The following WASF1 variants were observed in gnomAD, a reference collection of about 807,000 sequenced individuals.
WASF1 encodes the protein actin-binding protein WASF1.
In WASF1, 7 loss-of-function variants were observed where a neutral mutation model predicts 50.5. The ratio of observed to expected loss-of-function variants is 0.14; its 90% CI spans 0.08 to 0.26. WASF1 has a LOEUF of 0.26. WASF1 is among the 10% of genes least tolerant of loss of function. The pLI is 1.00. For synonymous variants in WASF1, 205 were observed against 244.0 expected (o/e 0.84, Z 1.49); for missense variants, 470 against 694.7 (o/e 0.68, Z 3.64).
chr6:110,147,492 A>G (rs1365508630), intron 3 of WASF1, among the ~76,000 whole-genome samples: 5 of 152,208 alleles, frequency 3.3e-5, no homozygotes, highest in African/African-American at 1.2e-4. Context: ...TCAGCAATTC[A>G]TAACACTGAC....
chr6:110,122,116 A>G (rs1343500989), intron 4 of WASF1, among the ~76,000 whole-genome samples: 2 of 152,146 alleles, frequency 1.3e-5, no homozygotes, highest in African/African-American at 2.4e-5. Flanking sequence ...GCAAACCACC[A>G]TGGCACATGT....
intron 7 of WASF1, among the ~76,000 whole-genome samples, chr6:110,106,372 G>C (rs533387688): frequency 2.6e-5 from 4 of 152,290 alleles, no homozygotes; most frequent in African/African-American, 9.6e-5. Context: ...TTACCATCTA[G>C]CAAAGAAGAC....
chr6:110,126,806 G>A (rs1448904265), intron 4 of WASF1, among the ~76,000 whole-genome samples: 1 of 152,166 alleles, frequency 6.6e-6, no homozygotes, highest in African/African-American at 2.4e-5. Context: ...GCTCTATTCT[G>A]TAAATCTGCA....
At chr6:110,168,155 C>A (rs1459776843) in intron 2 of WASF1, among the ~76,000 whole-genome samples, 2 of 151,964 alleles carry the variant, frequency 1.3e-5, no homozygotes, top group African/African-American at 4.8e-5. Context: ...CATGACCTCT[C>A]ACATAACAGT....
At chr6:110,128,896 G>A (rs548457871) in intron 3 of WASF1, among the ~76,000 whole-genome samples, 1 of 152,124 alleles carries the variant, frequency 6.6e-6, no homozygotes, top group African/African-American at 2.4e-5. Flanking sequence ...CACACGTGAG[G>A]GGTCTAGGTT....
chr6:110,127,560 G>A lies in WASF1; in HGVS notation c.42C>T (p.Cys14=). Residue 14 remains cysteine, a synonymous_variant, in exon 4 of 11, where the codon TGC becomes TGT. Transcript: ENST00000392589. ...VKRNIDPRHL[C]HTALPRGIKN... Reference sequence around the variant, plus strand: ...TAATGCCTCTAGGCAGTGCTGTGTGGCACAAGTGCCTAGGATCGATGTTTC... The same window carrying A: ...TAATGCCTCTAGGCAGTGCTGTGTGACACAAGTGCCTAGGATCGATGTTTC... 1 of 1,587,682 alleles carries A rather than the reference G, an allele frequency of 6.3e-7. No individual in the cohort carries two copies. The highest frequency in any genetic ancestry group is 8.6e-7 in the Non-Finnish European group (1 of 1,167,944).
intron 5 of WASF1, 44 bp downstream of exon 5, chr6:110,113,282 T>G (rs773846916): frequency 1.4e-6 from 2 of 1,442,016 alleles, no homozygotes; most frequent in South Asian, 3.2e-5. Flanking sequence ...CTCATCTAAC[T>G]TAAAATATAT....
At chr6:110,132,972 A>T (rs945406204) in intron 3 of WASF1, among the ~76,000 whole-genome samples, 1 of 148,426 alleles carries the variant, frequency 6.7e-6, no homozygotes, top group Admixed American at 6.8e-5. Context: ...ATACACACAC[A>T]CACACACACA....
intron 8 of WASF1, among the ~76,000 whole-genome samples, chr6:110,104,284 T>C (rs766358507): frequency 1.3e-5 from 2 of 152,102 alleles, no homozygotes; most frequent in Non-Finnish European, 2.9e-5. Context: ...ATTTAGTGAG[T>C]CAGATAAGTA....
intron 3 of WASF1, among the ~76,000 whole-genome samples, chr6:110,143,875 G>A (rs1775393683): frequency 6.6e-6 from 1 of 152,112 alleles, no homozygotes; most frequent in Non-Finnish European, 1.5e-5. Flanking sequence ...TTGGACATTT[G>A]GGTTGGTTCC....
At chr6:110,139,093 G>T (rs942807007) in intron 3 of WASF1, among the ~76,000 whole-genome samples, 1 of 152,240 alleles carries the variant, frequency 6.6e-6, no homozygotes, top group Non-Finnish European at 1.5e-5. Flanking sequence ...AAGGTGGCAG[G>T]GGTTGGTGTG....
intron 3 of WASF1, among the ~76,000 whole-genome samples, chr6:110,155,709 C>T (rs1425126430): frequency 6.9e-5 from 4 of 58,088 alleles, no homozygotes; most frequent in East Asian, 5.6e-4. Context: ...CCCCCTCCCC[C>T]GACCCCACCA....
chr6:110,160,352 A>T (rs910356855), intron 3 of WASF1, among the ~76,000 whole-genome samples: 4 of 151,834 alleles, frequency 2.6e-5, no homozygotes, highest in African/African-American at 9.7e-5. Flanking sequence ...TGGTAGTTGG[A>T]AACAAGAGAA....
At chr6:110,108,036 G>A (rs566140632) in intron 6 of WASF1, among the ~76,000 whole-genome samples, 5 of 146,366 alleles carry the variant, frequency 3.4e-5, no homozygotes, top group East Asian at 2.1e-4. Context: ...GGTGGCAGGC[G>A]CCTGTAGTCC....
Position 110,101,898 on chromosome 6 carries a change from G to T in WASF1, c.1212C>A (p.Ala404=). The change falls in exon 10 of 11, where the codon GCC becomes GCA. Residue 404 remains alanine, a synonymous_variant. Coordinates refer to ENST00000392589, the MANE Select transcript of WASF1 (RefSeq NM_003931.3). ...VQPSPPVARA[A]PVCETVPVHP... is the part of the protein sequence containing the mutation. ...GAACTGGTACAGTCTCACATACTGG[G>T]GCAGCTCTAGCTACTGGTGGAGAGG... 1 of 1,613,202 alleles carries T rather than the reference G, an allele frequency of 6.2e-7. No individual in the cohort carries two copies. Among genetic ancestry groups the T allele is most frequent in the Non-Finnish European group, 8.5e-7 (1 of 1,179,598 alleles).
intron 6 of WASF1, among the ~76,000 whole-genome samples, chr6:110,107,626 T>C (rs189393702): frequency 6.0e-4 from 92 of 152,342 alleles, no homozygotes; most frequent in African/African-American, 2.1e-3. Flanking sequence ...AAAGATATCA[T>C]GTAATAGTCA....
At chr6:110,142,975 T>TAAAAAAAAAAAAAAAA (rs1396721363) in intron 3 of WASF1, among the ~76,000 whole-genome samples, 68 of 97,834 alleles carry the variant, frequency 7.0e-4, no homozygotes, top group African/African-American at 2.0e-3. Context: ...AAAAAAAAAC[T>TAAAAAAAAAAAAAAAA]AAAGCAATTC....
chr6:110,129,907 T>A (rs1219614437), intron 3 of WASF1, among the ~76,000 whole-genome samples: 1 of 152,232 alleles, frequency 6.6e-6, no homozygotes, highest in Non-Finnish European at 1.5e-5. Context: ...TCCCCATTTT[T>A]AAATTAAGAT....
chr6:110,110,657 A>T (rs1439981416), intron 5 of WASF1, among the ~76,000 whole-genome samples: 1 of 152,164 alleles, frequency 6.6e-6, no homozygotes, highest in Non-Finnish European at 1.5e-5. Context: ...TAAAGCAATA[A>T]ATTAGCATAA....
Sources: gnomAD v4.1 joint callset for allele counts (sites outside exome capture counted in the v4.1 genomes callset) on GRCh38, gnomAD v4.1.1 for gene constraint, MANE v1.5 for transcripts, NCBI Gene and HGNC (gene_info 2026-07-23, HGNC 2026-07-21) for gene names.